The following BAALC variants were observed in gnomAD, a reference collection of about 807,000 sequenced individuals.
The protein encoded by BAALC is brain and acute leukemia cytoplasmic protein.
A neutral mutation model predicts 15.5 loss-of-function variants in BAALC; 9 were observed. That is an observed-to-expected ratio of 0.58 (90% CI 0.35 to 1.02). The LOEUF is 1.02. Among genes scored for constraint, BAALC ranks in the 50% least tolerant of loss-of-function variants. The pLI is 0.02. For missense variants in BAALC, 201 were observed against 192.4 expected, an observed-to-expected ratio of 1.04 and a Z score of -0.27; for synonymous variants, 80 against 74.6, an observed-to-expected ratio of 1.07 and a Z score of -0.37.
intron 1 of BAALC, among the ~76,000 whole-genome samples, chr8:103,192,744 C>A (rs1811999677): frequency 6.6e-6 from 1 of 152,190 alleles, no homozygotes; most frequent in Non-Finnish European, 1.5e-5. Flanking sequence ...CAGGCTTGAG[C>A]CCTTCTAATG....
chr8:103,157,540 G>A (rs1811124365), intron 1 of BAALC, among the ~76,000 whole-genome samples: 2 of 152,120 alleles, frequency 1.3e-5, no homozygotes, highest in African/African-American at 4.8e-5. Context: ...TGTCATGGTG[G>A]CTCACACCAG....
chr8:103,145,252 G>A (rs945630641), intron 1 of BAALC, among the ~76,000 whole-genome samples: 24 of 152,258 alleles, frequency 1.6e-4, no homozygotes, highest in Non-Finnish European at 3.4e-4. Flanking sequence ...CAGTTCTCCT[G>A]TGAGACTCTT....
chr8:103,186,204 T>TG (rs1014548752), intron 1 of BAALC, among the ~76,000 whole-genome samples: 1 of 152,172 alleles, frequency 6.6e-6, no homozygotes, highest in African/African-American at 2.4e-5. Flanking sequence ...CTTCCCTTTA[T>TG]GGGGGGCTCC....
In BAALC at chr8:103,203,314, T is replaced by C. The variant is rs141735660; in HGVS notation, c.161-9605T>C. On this transcript the variant is annotated intron_variant, in intron 1 of 2. Coordinates refer to ENST00000309982, the MANE Select transcript of BAALC (RefSeq NM_024812.3). ...TACATTGTCTAGTATATGAGTCCAC[T>C]AGTCAGTTTCTCTCCTTGATCATTG... 3.8e-3 allele frequency among the ~76,000 whole-genome samples: 576 copies of C among 152,336 alleles called. 1 individual carries two copies. Among genetic ancestry groups the C allele is most frequent in the African/African-American group, 0.013 (552 of 41,566 alleles).
chr8:103,225,911 T>C (rs560999471), intron 2 of BAALC, among the ~76,000 whole-genome samples: 1 of 152,330 alleles, frequency 6.6e-6, no homozygotes, highest in Admixed American at 6.5e-5. Context: ...TTATGTGACA[T>C]ATTAGAAACA....
At chr8:103,175,204 G>T (rs886737809) in intron 1 of BAALC, among the ~76,000 whole-genome samples, 1 of 152,098 alleles carries the variant, frequency 6.6e-6, no homozygotes, top group East Asian at 1.9e-4. Context: ...CCTCATCTCT[G>T]CTTCACTTTC....
chr8:103,219,170 G>C (rs1812625316), intron 2 of BAALC, among the ~76,000 whole-genome samples: 1 of 152,204 alleles, frequency 6.6e-6, no homozygotes, highest in African/African-American at 2.4e-5. Context: ...ACCTCTTGTA[G>C]AGATTTGTAA....
At chr8:103,168,492 G>T (rs1439160454) in intron 1 of BAALC, among the ~76,000 whole-genome samples, 4 of 147,722 alleles carry the variant, frequency 2.7e-5, no homozygotes, top group African/African-American at 1.0e-4. Context: ...TATGTTTGCT[G>T]CATTAAAAAT....
chr8:103,218,563 C>T (rs1812612442), intron 2 of BAALC, among the ~76,000 whole-genome samples: 2 of 151,972 alleles, frequency 1.3e-5, no homozygotes, highest in African/African-American at 4.8e-5. Flanking sequence ...CTTATTCCCC[C>T]CCACCCCTTA....
At chr8:103,227,871 T>C (rs1479446294) in intron 2 of BAALC, 118 bp from the exon 3 acceptor site, 2 of 686,386 alleles carry the variant, frequency 2.9e-6, no homozygotes, top group Non-Finnish European at 4.9e-6. Context: ...TGTTCCTTTT[T>C]CCCAGGCACA....
chr8:103,222,866 T>C (rs1030095365), intron 2 of BAALC, among the ~76,000 whole-genome samples: 3 of 152,210 alleles, frequency 2.0e-5, no homozygotes, highest in Admixed American at 2.0e-4. Context: ...CGTTTCAGTA[T>C]AATGAGGCTT....
At chr8:103,216,892 T>G (rs951508839) in intron 2 of BAALC, among the ~76,000 whole-genome samples, 2 of 152,214 alleles carry the variant, frequency 1.3e-5, no homozygotes, top group Admixed American at 1.3e-4. Flanking sequence ...TGTCTCCAAT[T>G]TACAGATGGG....
intron 1 of BAALC, among the ~76,000 whole-genome samples, chr8:103,203,639 T>A (rs536356679): frequency 5.9e-5 from 9 of 152,298 alleles, no homozygotes; most frequent in African/African-American, 2.2e-4. Context: ...ATCTATAGAA[T>A]TGCCTATTTC....
intron 2 of BAALC, among the ~76,000 whole-genome samples, chr8:103,218,691 A>G (rs1812614179): frequency 6.6e-6 from 1 of 152,194 alleles, no homozygotes; most frequent in Non-Finnish European, 1.5e-5. Flanking sequence ...CAGAAGCTGC[A>G]TATTTTCAAG....
At chr8:103,206,203 A>G (rs1428267251) in intron 1 of BAALC, among the ~76,000 whole-genome samples, 2 of 152,134 alleles carry the variant, frequency 1.3e-5, no homozygotes, top group Non-Finnish European at 2.9e-5. Flanking sequence ...GATTATTTTA[A>G]TAAATCCTTT....
At chr8:103,159,636 A>G (rs1168823987) in intron 1 of BAALC, among the ~76,000 whole-genome samples, 1 of 152,112 alleles carries the variant, frequency 6.6e-6, no homozygotes, top group Non-Finnish European at 1.5e-5. Flanking sequence ...AGGGTTTCCC[A>G]TCTTTGGCTA....
In BAALC at chr8:103,205,244, G is replaced by C. The variant is rs562733555; in HGVS notation, c.161-7675G>C. 8.5e-5 allele frequency among the ~76,000 whole-genome samples: 13 copies of C among 152,240 alleles called. No individual in the cohort carries two copies. The South Asian group carries it at 2.7e-3, about 32-fold the overall frequency. On this transcript the variant is annotated intron_variant, in intron 1 of 2. Coordinates refer to ENST00000309982, the MANE Select transcript of BAALC (RefSeq NM_024812.3). ...TTTCTGTACTCTTCCCTCCTGCCCA[G>C]CTCCATTTCCAAAATAGCAAGAAGC...
chr8:103,204,796 T>C (rs1812293174), intron 1 of BAALC, among the ~76,000 whole-genome samples: 1 of 152,234 alleles, frequency 6.6e-6, no homozygotes, highest in Non-Finnish European at 1.5e-5. Context: ...CATATTATAG[T>C]ATTATACATA....
At chr8:103,212,144 T>TA (rs970719208) in intron 1 of BAALC, among the ~76,000 whole-genome samples, 12 of 152,074 alleles carry the variant, frequency 7.9e-5, no homozygotes, top group African/African-American at 1.4e-4. Flanking sequence ...CTGGAGCTAT[T>TA]AAAAAAAATC....
Sources: gnomAD v4.1 joint callset for allele counts (sites outside exome capture counted in the v4.1 genomes callset) on GRCh38, gnomAD v4.1.1 for gene constraint, MANE v1.5 for transcripts, NCBI Gene and HGNC (gene_info 2026-07-23, HGNC 2026-07-21) for gene names.